The following ZFHX3 variants were observed in gnomAD, a reference collection of about 807,000 sequenced individuals.
ZFHX3 encodes the protein zinc finger homeobox 3.
Under a neutral mutation model 279.1 loss-of-function variants are expected in ZFHX3, and 42 were observed. The ratio of observed to expected loss-of-function variants is 0.15; its 90% CI spans 0.12 to 0.19. ZFHX3 has a LOEUF of 0.19. Ranked by LOEUF, ZFHX3 falls within the 10% of genes least tolerant of loss-of-function variation. ZFHX3 has a pLI of 1.00. For synonymous variants in ZFHX3, 2,293 were observed against 1,957.8 expected, an observed-to-expected ratio of 1.17 and a Z score of -4.52; for missense variants, 4,981 against 4,754.0, an observed-to-expected ratio of 1.05 and a Z score of -1.40.
chr16:73,854,130 AC>A (rs1270782544), intron 1 of ZFHX3, among the ~76,000 whole-genome samples: 2 of 152,184 alleles, frequency 1.3e-5, no homozygotes. Context: ...CCATTGACAA[AC>A]CACAAACACA....
At chr16:73,686,704 C>G (rs2053088549) in intron 1 of ZFHX3, among the ~76,000 whole-genome samples, 2 of 152,008 alleles carry the variant, frequency 1.3e-5, no homozygotes, top group South Asian at 4.2e-4. Flanking sequence ...AGACTGAACC[C>G]ATTGTACTAA....
At chr16:73,356,493 G>C (rs547295733) in intron 3 of ZFHX3, among the ~76,000 whole-genome samples, 1 of 152,106 alleles carries the variant, frequency 6.6e-6, no homozygotes, top group Non-Finnish European at 1.5e-5. Context: ...ACGCTGAGAC[G>C]GGACCCCTCA....
chr16:72,943,530 T>C (rs565687472), intron 3 of ZFHX3, among the ~76,000 whole-genome samples: 2 of 152,070 alleles, frequency 1.3e-5, no homozygotes, highest in South Asian at 4.2e-4. Context: ...AGACCCAGTC[T>C]CAAAAAAACA....
intron 4 of ZFHX3, among the ~76,000 whole-genome samples, chr16:73,258,313 A>T (rs1404660911): frequency 6.7e-6 from 1 of 150,194 alleles, no homozygotes; most frequent in Non-Finnish European, 1.5e-5. Flanking sequence ...GCTTATATTC[A>T]TCGTTCCCTA....
chr16:73,819,939 C>G (rs562368515), intron 1 of ZFHX3, among the ~76,000 whole-genome samples: 1 of 152,264 alleles, frequency 6.6e-6, no homozygotes, highest in Non-Finnish European at 1.5e-5. Flanking sequence ...AAGATGGTCA[C>G]GACAATGTCT....
chr16:72,911,996 T>C (rs757630486), intron 3 of ZFHX3, among the ~76,000 whole-genome samples: 60 of 152,304 alleles, frequency 3.9e-4, no homozygotes, highest in Non-Finnish European at 6.2e-4. Flanking sequence ...GGGAATAACA[T>C]AAAAAATAAG....
intron 3 of ZFHX3, among the ~76,000 whole-genome samples, chr16:73,319,047 C>T (rs992134147): frequency 6.6e-6 from 1 of 151,052 alleles, no homozygotes; most frequent in Admixed American, 6.6e-5. Flanking sequence ...TTTCTCAGGA[C>T]CAGCTCAGCA....
intron 7 of ZFHX3, among the ~76,000 whole-genome samples, chr16:73,119,396 C>G (rs1002067409): frequency 2.6e-5 from 4 of 152,118 alleles, no homozygotes; most frequent in African/African-American, 9.7e-5. Context: ...TGTGAGTCAC[C>G]ACACTCAGCC....
intron 2 of ZFHX3, among the ~76,000 whole-genome samples, chr16:73,597,126 G>A: frequency 6.6e-6 from 1 of 152,084 alleles, no homozygotes; most frequent in East Asian, 1.9e-4. Context: ...GCACCTCCCT[G>A]CCCTGGCTCA....
chr16:73,853,427 C>CCTTAG (rs34619821), intron 1 of ZFHX3, among the ~76,000 whole-genome samples: 3 of 152,128 alleles, frequency 2.0e-5, no homozygotes, highest in Admixed American at 6.5e-5. Flanking sequence ...GTTCATCAAC[C>CCTTAG]TAAGTATCCA....
chr16:72,809,723 G>C (rs1297156648), intron 7 of ZFHX3: 1 of 152,160 alleles, frequency 6.6e-6, no homozygotes, highest in Non-Finnish European at 1.5e-5. Flanking sequence ...TCTGTGACCT[G>C]CACATTATAA....
At chr16:73,834,769 T>C (rs965429849) in intron 1 of ZFHX3, among the ~76,000 whole-genome samples, 2 of 152,208 alleles carry the variant, frequency 1.3e-5, no homozygotes, top group East Asian at 3.9e-4. Context: ...CGCATGCCTG[T>C]AGTCCCAGCT....
intron 3 of ZFHX3, among the ~76,000 whole-genome samples, chr16:73,405,780 T>C (rs1442431356): frequency 6.6e-6 from 1 of 152,242 alleles, no homozygotes; most frequent in Non-Finnish European, 1.5e-5. Context: ...CTAGGAATTA[T>C]TTTTCAATGT....
chr16:72,818,459 T>C (rs1198686731), intron 5 of ZFHX3, among the ~76,000 whole-genome samples: 1 of 152,228 alleles, frequency 6.6e-6, no homozygotes, highest in Non-Finnish European at 1.5e-5. Flanking sequence ...TAGCTAAATT[T>C]TCTTCCTCCC....
chr16:73,091,405 C>T (rs894430372), intron 8 of ZFHX3, among the ~76,000 whole-genome samples: 2 of 152,082 alleles, frequency 1.3e-5, no homozygotes, highest in Non-Finnish European at 1.5e-5. Flanking sequence ...TGCCTATTGG[C>T]GGAACCCCAG....
rs138318984 is a variant in ZFHX3 at position 73,470,324 on chromosome 16, C to T, written c.-1546-14066G>A. Among the ~76,000 whole-genome samples, 16 of 152,298 alleles carry T rather than the reference C, an allele frequency of 1.1e-4. No homozygotes were observed. The East Asian group carries it at 3.1e-3, about 29-fold the overall frequency. On this transcript the variant is annotated intron_variant, in intron 2 of 17. Transcript: ENST00000641206. The stretch of plus-strand genomic sequence containing the variant: ...CCCGGACAGAAACCCAGGCCATGTC[C>T]TATAATAAGTAAGACCATCCCAGAC...
chr16:72,967,708 TAATCGA>T (rs1961910851), intron 1 of ZFHX3, among the ~76,000 whole-genome samples: 2 of 145,898 alleles, frequency 1.4e-5, no homozygotes, highest in Non-Finnish European at 3.0e-5. Flanking sequence ...CGAGGCCAGG[TAATCGA>T]GACCATCCTG....
chr16:72,913,334 T>C (rs921821807), intron 3 of ZFHX3, among the ~76,000 whole-genome samples: 1 of 152,196 alleles, frequency 6.6e-6, no homozygotes, highest in African/African-American at 2.4e-5. Flanking sequence ...GAAATGTCAT[T>C]CTCCTCCATC....
chr16:73,140,898 C>A (rs539748891), intron 6 of ZFHX3, among the ~76,000 whole-genome samples: 24 of 152,152 alleles, frequency 1.6e-4, no homozygotes, highest in African/African-American at 5.8e-4. Flanking sequence ...GGGAGAGAAA[C>A]CTTGGCTTTA....
Sources: gnomAD v4.1 joint callset for allele counts (sites outside exome capture counted in the v4.1 genomes callset) on GRCh38, gnomAD v4.1.1 for gene constraint, MANE v1.5 for transcripts, NCBI Gene and HGNC (gene_info 2026-07-23, HGNC 2026-07-21) for gene names.